Variants in DLGAP2 observed in about 807,000 individuals in gnomAD.
DLGAP2 encodes the protein disks large-associated protein 2.
DLGAP2 carries 26 observed loss-of-function variants against 100.3 expected under a neutral mutation model. The observed-to-expected ratio is 0.26, with a 90% CI of 0.19 to 0.36. DLGAP2 has a LOEUF of 0.36. Ranked by LOEUF, DLGAP2 falls within the 10% of genes least tolerant of loss-of-function variation. The pLI, the probability that DLGAP2 is intolerant of heterozygous loss-of-function variation, is 1.00. For synonymous variants in DLGAP2, 886 were observed against 630.1 expected, an observed-to-expected ratio of 1.41 and a Z score of -6.08; for missense variants, 1,858 against 1,453.2, an observed-to-expected ratio of 1.28 and a Z score of -4.53.
chr8:1,463,610 A>T (rs1400711745), intron 3 of DLGAP2, among the ~76,000 whole-genome samples: 1 of 152,222 alleles, frequency 6.6e-6, no homozygotes, highest in Non-Finnish European at 1.5e-5. Flanking sequence ...AGTTCTGAAC[A>T]TGTGTCAAAC....
chr8:1,632,607 C>G (rs973506663), intron 7 of DLGAP2, among the ~76,000 whole-genome samples: 6 of 152,206 alleles, frequency 3.9e-5, no homozygotes, highest in Admixed American at 3.3e-4. Context: ...AGAATTTCAT[C>G]AACACTTGGA....
chr8:1,446,083 C>T (rs1207674366), intron 3 of DLGAP2, among the ~76,000 whole-genome samples: 1 of 151,950 alleles, frequency 6.6e-6, no homozygotes, highest in Non-Finnish European at 1.5e-5. Context: ...TGTGCAGAAG[C>T]TCTTGAGTTT....
intron 1 of DLGAP2, among the ~76,000 whole-genome samples, chr8:873,902 C>T (rs1002758588): frequency 5.3e-5 from 8 of 152,118 alleles, no homozygotes; most frequent in Non-Finnish European, 8.8e-5. Context: ...ACTCTCGAGA[C>T]GTCTGTTTAG....
Position 1,704,661 on chromosome 8 carries a change from G to A in DLGAP2, c.*3255G>A, listed in dbSNP as rs746951452. ...AAAAAATTACAGTTTTGTTTAAAAGGAAATGTTGATGTTTTCAACTCCAAA... is the reference window on the plus strand; with the variant it reads ...AAAAAATTACAGTTTTGTTTAAAAGAAAATGTTGATGTTTTCAACTCCAAA... On this transcript the variant is annotated 3_prime_UTR_variant, in exon 15 of 15. Coordinates refer to ENST00000637795, the MANE Select transcript of DLGAP2 (RefSeq NM_001346810.2). The A allele has an allele frequency of 6.6e-6, 1 of 152,040 alleles. No individual in the cohort carries two copies. The highest frequency in any genetic ancestry group is 1.5e-5 in the Non-Finnish European group (1 of 67,996). 9.4% of individuals were successfully genotyped at this position (152,040 alleles called of 1,614,324 possible).
At chr8:1,258,802 T>A in intron 2 of DLGAP2, 49 bp from the exon 3 acceptor site, 1 of 1,229,560 alleles carries the variant, frequency 8.1e-7, no homozygotes, top group Non-Finnish European at 1.0e-6. Context: ...TTTAACTGCA[T>A]GGTTGAGACC....
At chr8:1,631,413 A>G (rs1797642222) in intron 7 of DLGAP2, among the ~76,000 whole-genome samples, 3 of 152,110 alleles carry the variant, frequency 2.0e-5, no homozygotes, top group African/African-American at 7.2e-5. Flanking sequence ...ACAATCTAAG[A>G]CTTTTCCATA....
chr8:883,909 T>G (rs1797870124), intron 1 of DLGAP2, among the ~76,000 whole-genome samples: 1 of 152,196 alleles, frequency 6.6e-6, no homozygotes, highest in African/African-American at 2.4e-5. Flanking sequence ...TCTGTTTCTG[T>G]GTTAGTTTGC....
At chr8:1,102,947 G>T (rs1190307543) in intron 2 of DLGAP2, among the ~76,000 whole-genome samples, 1 of 151,868 alleles carries the variant, frequency 6.6e-6, no homozygotes, top group Non-Finnish European at 1.5e-5. Context: ...AGTCTCTGGG[G>T]TCTCTGTGGT....
intron 2 of DLGAP2, among the ~76,000 whole-genome samples, chr8:1,029,783 C>T (rs1347697368): frequency 6.6e-6 from 1 of 152,110 alleles, no homozygotes; most frequent in African/African-American, 2.4e-5. Context: ...AGGCCATGAG[C>T]ACCAAAAATG....
intron 12 of DLGAP2, among the ~76,000 whole-genome samples, chr8:1,686,840 T>C (rs908701243): frequency 5.3e-5 from 8 of 152,194 alleles, no homozygotes; most frequent in African/African-American, 1.9e-4. Context: ...TGGTTAATAA[T>C]GTATCATGTA....
chr8:1,617,622 G>T (rs1298015017), intron 6 of DLGAP2, among the ~76,000 whole-genome samples: 1 of 152,044 alleles, frequency 6.6e-6, no homozygotes, highest in East Asian at 1.9e-4. Context: ...GACCTTTGTT[G>T]GATGCATAGT....
At chr8:1,473,157 C>T (rs1228765156) in intron 3 of DLGAP2, among the ~76,000 whole-genome samples, 1 of 152,202 alleles carries the variant, frequency 6.6e-6, no homozygotes, top group African/African-American at 2.4e-5. Flanking sequence ...TCTTAAACCC[C>T]TGACCTCAGA....
chr8:1,083,045 G>A (rs909701053), intron 2 of DLGAP2, among the ~76,000 whole-genome samples: 3 of 152,186 alleles, frequency 2.0e-5, no homozygotes, highest in African/African-American at 7.2e-5. Flanking sequence ...AGTTATAAGA[G>A]TCCATGCTGA....
intron 2 of DLGAP2, among the ~76,000 whole-genome samples, chr8:1,172,014 G>T (rs1182717378): frequency 1.3e-5 from 2 of 152,188 alleles, no homozygotes; most frequent in African/African-American, 2.4e-5. Context: ...TTTTGCAGTG[G>T]CTGGTACTGG....
intron 12 of DLGAP2, among the ~76,000 whole-genome samples, chr8:1,687,181 C>G (rs1463710632): frequency 3.3e-5 from 5 of 152,182 alleles, no homozygotes; most frequent in Non-Finnish European, 7.3e-5. Flanking sequence ...TTCCGACTCT[C>G]TGCAAATTTT....
intron 2 of DLGAP2, among the ~76,000 whole-genome samples, chr8:1,067,744 C>T (rs929955977): frequency 2.0e-5 from 3 of 151,892 alleles, no homozygotes; most frequent in Non-Finnish European, 4.4e-5. Context: ...CGCCCTCCCT[C>T]GTGACCCAGT....
At chr8:1,392,287 C>T (rs936812281) in intron 3 of DLGAP2, among the ~76,000 whole-genome samples, 4 of 152,094 alleles carry the variant, frequency 2.6e-5, no homozygotes, top group Non-Finnish European at 5.9e-5. Context: ...GAGGCGCAGT[C>T]CAGATCCTGG....
intron 1 of DLGAP2, chr8:891,338 T>G (rs1171259445): frequency 6.6e-6 from 1 of 152,662 alleles, no homozygotes; most frequent in African/African-American, 2.4e-5. Context: ...GGGTGGGGGC[T>G]GAGAAACAGC....
intron 6 of DLGAP2, among the ~76,000 whole-genome samples, chr8:1,614,335 A>T (rs1007590201): frequency 3.9e-5 from 6 of 152,154 alleles, no homozygotes; most frequent in African/African-American, 1.2e-4. Flanking sequence ...CTCAGAACTG[A>T]CTCAGTGAAC....
Sources: allele counts gnomAD v4.1 joint callset (sites outside exome capture counted in the v4.1 genomes callset), GRCh38; gene constraint gnomAD v4.1.1; transcripts MANE v1.5; gene names NCBI Gene and HGNC (gene_info 2026-07-23, HGNC 2026-07-21).